COMMD10: variants seen among roughly 807,000 people sequenced by gnomAD.
COMMD10 encodes the protein COMM domain-containing protein 10.
COMMD10 carries 33 observed loss-of-function variants against 28.9 expected under a neutral mutation model. The observed-to-expected ratio is 1.14, with a 90% CI of 0.87 to 1.53. The LOEUF (loss-of-function observed/expected upper bound fraction) is 1.53. COMMD10 is among the 40% of genes most tolerant of loss of function. The pLI is 0.00. For synonymous variants in COMMD10, 110 were observed against 81.7 expected, an observed-to-expected ratio of 1.35 and a Z score of -1.87; for missense variants, 310 against 233.4, an observed-to-expected ratio of 1.33 and a Z score of -2.14.
intron 5 of COMMD10, among the ~76,000 whole-genome samples, chr5:116,146,421 TCA>T (rs1043092029): frequency 6.6e-6 from 1 of 151,854 alleles, no homozygotes; most frequent in African/African-American, 2.4e-5. Flanking sequence ...CTTTTGAACA[TCA>T]GTGGTGATTT....
intron 5 of COMMD10, among the ~76,000 whole-genome samples, chr5:116,279,612 A>G (rs748590519): frequency 1.3e-5 from 2 of 151,854 alleles, no homozygotes; most frequent in African/African-American, 2.4e-5. Context: ...AATGATAATT[A>G]TGTAGTATAT....
intron 5 of COMMD10, among the ~76,000 whole-genome samples, chr5:116,219,707 A>T (rs1749196413): frequency 1.3e-5 from 2 of 152,120 alleles, no homozygotes; most frequent in East Asian, 1.9e-4. Context: ...TAAGCTATTG[A>T]GTTTGTAGTA....
chr5:116,139,808 T>C (rs1443567963), intron 5 of COMMD10, among the ~76,000 whole-genome samples: 1 of 151,770 alleles, frequency 6.6e-6, no homozygotes, highest in African/African-American at 2.4e-5. Flanking sequence ...TGTTTTGATA[T>C]AAATATACAT....
chr5:116,102,320 C>T (rs575607405), intron 4 of COMMD10, among the ~76,000 whole-genome samples: 1 of 152,188 alleles, frequency 6.6e-6, no homozygotes, highest in African/African-American at 2.4e-5. Context: ...GTTGTCTTTT[C>T]CTCAATTTAT....
At chr5:116,085,749 TAAGC>T (rs1400055709) in intron 1 of COMMD10, 5 of 152,142 alleles carry the variant, frequency 3.3e-5, no homozygotes, top group Non-Finnish European at 5.9e-5. Flanking sequence ...TGTGAAAAAA[TAAGC>T]AATAGTGCAG....
intron 5 of COMMD10, among the ~76,000 whole-genome samples, chr5:116,135,882 G>A (rs1752011903): frequency 6.6e-6 from 1 of 152,056 alleles, no homozygotes; most frequent in Admixed American, 6.6e-5. Context: ...GTAACCTCAG[G>A]CAAATTACTT....
chr5:116,259,031 T>C (rs1750366618), intron 5 of COMMD10, among the ~76,000 whole-genome samples: 1 of 151,336 alleles, frequency 6.6e-6, no homozygotes, highest in African/African-American at 2.4e-5. Flanking sequence ...GTCTTCTATC[T>C]CAATAATTTT....
intron 5 of COMMD10, among the ~76,000 whole-genome samples, chr5:116,236,559 A>AC (rs1214393116): frequency 6.6e-6 from 1 of 151,282 alleles, no homozygotes; most frequent in Admixed American, 6.6e-5. Flanking sequence ...GGACATGGAG[A>AC]CCCCTTAAAT....
chr5:116,247,869 T>G (rs1297425192), intron 5 of COMMD10, among the ~76,000 whole-genome samples: 1 of 151,854 alleles, frequency 6.6e-6, no homozygotes, highest in African/African-American at 2.4e-5. Context: ...GATACTAGGC[T>G]TAATATCTGG....
chr5:116,273,635 A>G (rs1204691275), intron 5 of COMMD10, among the ~76,000 whole-genome samples: 2 of 151,804 alleles, frequency 1.3e-5, no homozygotes, highest in African/African-American at 2.4e-5. Flanking sequence ...ACATTAAACC[A>G]AATTGTGAAG....
chr5:116,137,166 A>G (rs947061029), intron 5 of COMMD10, among the ~76,000 whole-genome samples: 3 of 151,986 alleles, frequency 2.0e-5, no homozygotes, highest in Admixed American at 6.6e-5. Flanking sequence ...TTGGTATTCT[A>G]TTCTTTGTAC....
intron 5 of COMMD10, among the ~76,000 whole-genome samples, chr5:116,189,599 A>AG (rs1748280832): frequency 1.3e-5 from 2 of 152,210 alleles, no homozygotes; most frequent in Non-Finnish European, 2.9e-5. Context: ...GACTAGTACA[A>AG]TTCTCTTGGA....
Position 116,215,226 on chromosome 5 carries a change from A to G in COMMD10, c.511-76291A>G, listed in dbSNP as rs188991203. ...GGGTAAAAAATTTGGGTGTTATGGA[A>G]TATAAGAAAAAGAAATGAATAGTTG... On this transcript the variant is annotated intron_variant, in intron 5 of 6. Coordinates refer to ENST00000274458, the MANE Select transcript of COMMD10 (RefSeq NM_016144.4). Among the ~76,000 whole-genome samples, 50 of 152,180 alleles carry G rather than the reference A, an allele frequency of 3.3e-4. No individual in the cohort carries two copies. In the Middle Eastern group the frequency reaches 0.01, roughly 31 times the overall value.
chr5:116,235,550 G>C (rs1459631848), intron 5 of COMMD10, among the ~76,000 whole-genome samples: 1 of 152,082 alleles, frequency 6.6e-6, no homozygotes, highest in African/African-American at 2.4e-5. Flanking sequence ...AGGCATACTG[G>C]AGATACAATT....
At chr5:116,089,174 G>A (rs966740336) in intron 2 of COMMD10, among the ~76,000 whole-genome samples, 1 of 152,150 alleles carries the variant, frequency 6.6e-6, no homozygotes, top group Admixed American at 6.6e-5. Context: ...GGTGCTAATG[G>A]CTTTGTGTTA....
At chr5:116,198,936 T>C (rs1008895689) in intron 5 of COMMD10, among the ~76,000 whole-genome samples, 1 of 152,196 alleles carries the variant, frequency 6.6e-6, no homozygotes, top group Non-Finnish European at 1.5e-5. Context: ...CAAATTTTTG[T>C]ATGCACGTAA....
chr5:116,137,420 A>G lies in COMMD10; in HGVS notation c.510+3242A>G, dbSNP rs1351415557. Among the ~76,000 whole-genome samples, 3 of 152,222 alleles carry G rather than the reference A, an allele frequency of 2.0e-5. No individual in the cohort carries two copies. In the East Asian group the frequency reaches 5.8e-4, roughly 29 times the overall value. ...TAGTTTATGATATAAAGTATCTTAA[A>G]GTACAAAACTGTCATACTTATGAAG... On this transcript the variant is annotated intron_variant, in intron 5 of 6. Transcript: ENST00000274458.
chr5:116,130,554 G>A (rs1378564175), intron 4 of COMMD10, among the ~76,000 whole-genome samples: 1 of 152,074 alleles, frequency 6.6e-6, no homozygotes, highest in East Asian at 1.9e-4. Context: ...AGTGGGTAGT[G>A]AATGAGTCTT....
At chr5:116,221,081 C>CT (rs70978610) in intron 5 of COMMD10, among the ~76,000 whole-genome samples, 17,560 of 142,528 alleles carry the variant, frequency 0.12, 1,598 homozygotes, top group African/African-American at 0.26. Context: ...TTGAGATACT[C>CT]TTTTTTTTTT....
Sources: allele counts gnomAD v4.1 joint callset (sites outside exome capture counted in the v4.1 genomes callset), GRCh38; gene constraint gnomAD v4.1.1; transcripts MANE v1.5; gene names NCBI Gene and HGNC (gene_info 2026-07-23, HGNC 2026-07-21).